Variants in CDS1 observed in about 807,000 individuals in gnomAD.
CDS1 encodes phosphatidate cytidylyltransferase 1.
CDS1 carries 41 observed loss-of-function variants against 62.1 expected under a neutral mutation model. The ratio of observed to expected loss-of-function variants is 0.66; its 90% CI spans 0.51 to 0.86. The LOEUF (loss-of-function observed/expected upper bound fraction) is 0.86. CDS1 is among the 40% of genes least tolerant of loss of function. The pLI, the probability that CDS1 is intolerant of heterozygous loss-of-function variation, is 0.00. For synonymous variants in CDS1, 185 were observed against 192.6 expected (o/e 0.96, Z 0.32); for missense variants, 470 against 550.1 (o/e 0.85, Z 1.46).
intron 5 of CDS1, among the ~76,000 whole-genome samples, chr4:84,620,847 G>A (rs1723665074): frequency 6.6e-6 from 1 of 152,104 alleles, no homozygotes; most frequent in African/African-American, 2.4e-5. Flanking sequence ...GATCACCTGA[G>A]TTTGGGAGTT....
In CDS1 at chr4:84,583,187, C is replaced by T. The variant is rs1287260221; in HGVS notation, c.-215C>T. 1.3e-5 allele frequency: 6 copies of T among 452,512 alleles called. No homozygotes were observed. The highest frequency in any genetic ancestry group is 8.3e-5 in the African/African-American group (4 of 48,150). 28.0% of individuals were successfully genotyped at this position (452,512 alleles called of 1,614,324 possible). On this transcript the variant is annotated 5_prime_UTR_variant, in exon 1 of 13. Coordinates refer to ENST00000295887, the MANE Select transcript of CDS1 (RefSeq NM_001263.4). ...CCGGGACCTCCGCCGGAGCCGCGCT[C>T]GCTGCAGGCGGCCTCGAGCGCTCTC...
intron 1 of CDS1, among the ~76,000 whole-genome samples, chr4:84,590,707 G>A (rs1722567959): frequency 6.6e-6 from 1 of 152,176 alleles, no homozygotes; most frequent in African/African-American, 2.4e-5. Flanking sequence ...CTGGGGGTGT[G>A]CCTTGGTTGG....
At position 84,650,638 on chromosome 4, in the gene CDS1, C is replaced by T. The variant is rs998693742; in HGVS notation, c.*1952C>T. 2 of 152,078 alleles carry T rather than the reference C, an allele frequency of 1.3e-5. No homozygotes were observed. The highest frequency in any genetic ancestry group is 4.8e-5 in the African/African-American group (2 of 41,418). The allele number at this position is 152,078 out of a possible 1,614,324, so 9.4% of individuals were successfully genotyped here. A position where few individuals can be genotyped will look rare whatever the true frequency, so the allele number is the denominator to read the frequency against. On this transcript the variant is annotated 3_prime_UTR_variant, in exon 13 of 13. Transcript: ENST00000295887. ...ATTGAAATCCAGAATTATAAGAAAG[C>T]ATTACTGAATATGTGTGTTATAAAA...
chr4:84,584,236 C>A (rs540031092), intron 1 of CDS1, among the ~76,000 whole-genome samples: 2 of 152,272 alleles, frequency 1.3e-5, no homozygotes, highest in South Asian at 4.1e-4. Context: ...ATATTACTAT[C>A]TGTTTAAAGC....
intron 6 of CDS1, 45 bp downstream of exon 6, chr4:84,631,922 C>A: frequency 7.0e-7 from 1 of 1,420,504 alleles, no homozygotes; most frequent in Non-Finnish European, 9.9e-7. Flanking sequence ...GTGATAAAAA[C>A]CCTTAACTTT....
Position 84,635,275 on chromosome 4 carries a change from C to T in CDS1, c.734C>T (p.Pro245Leu). The T allele has an allele frequency of 6.6e-7, 1 of 1,523,650 alleles. No individual in the cohort carries two copies. The allele number at this position is 1,523,650 out of a possible 1,614,324, so 94.4% of individuals were successfully genotyped here. A position where few individuals can be genotyped will look rare whatever the true frequency, so the allele number is the denominator to read the frequency against. Residue 245 changes from proline to leucine, a missense_variant, in exon 8 of 13, where the codon CCA (proline) becomes CTA (leucine). Physicochemically the swap from Pro to Leu is moderately conservative, Grantham distance 98. Transcript: ENST00000295887. Reference protein sequence around the residue: ...LFEGMIWFLVPISSVICNDIT... With the variant: ...LFEGMIWFLVLISSVICNDIT... ...TTTTTTAAAAACAGGTTCCTTGTTC[C>T]AATATCAAGTGTTATCTGCAATGAC...
chr4:84,611,267 CAGTG>C (rs1374229881), intron 3 of CDS1, among the ~76,000 whole-genome samples: 2 of 152,234 alleles, frequency 1.3e-5, no homozygotes, highest in African/African-American at 2.4e-5. Flanking sequence ...TGACAGCACA[CAGTG>C]AGAGCCTGCC....
chr4:84,612,983 T>A (rs2148643966), intron 3 of CDS1, among the ~76,000 whole-genome samples: 1 of 142,406 alleles, frequency 7.0e-6, no homozygotes, highest in Non-Finnish European at 1.5e-5. Context: ...AGTGAGATCC[T>A]GTCTCAAAAA....
At chr4:84,640,637 T>C (rs1389581873) in intron 9 of CDS1, among the ~76,000 whole-genome samples, 1 of 152,174 alleles carries the variant, frequency 6.6e-6, no homozygotes, top group Non-Finnish European at 1.5e-5. Flanking sequence ...ACTTTTTTTT[T>C]CTAAAGGTCT....
At chr4:84,597,149 A>G (rs1477628786) in intron 1 of CDS1, among the ~76,000 whole-genome samples, 2 of 152,188 alleles carry the variant, frequency 1.3e-5, no homozygotes, top group African/African-American at 2.4e-5. Flanking sequence ...GGATTAGTAA[A>G]GTGGTACACT....
intron 4 of CDS1, among the ~76,000 whole-genome samples, chr4:84,618,637 G>A (rs1299344551): frequency 1.3e-5 from 2 of 152,160 alleles, no homozygotes; most frequent in African/African-American, 4.8e-5. Context: ...AGACATTCCT[G>A]GCCCTTCTGA....
chr4:84,620,761 TA>T (rs1303516285), intron 5 of CDS1, among the ~76,000 whole-genome samples: 1 of 151,960 alleles, frequency 6.6e-6, no homozygotes, highest in Non-Finnish European at 1.5e-5. Flanking sequence ...ACTGGTTGAG[TA>T]AACAGTGAGA....
At chr4:84,591,285 G>A (rs1191598973) in intron 1 of CDS1, among the ~76,000 whole-genome samples, 1 of 152,096 alleles carries the variant, frequency 6.6e-6, no homozygotes, top group East Asian at 1.9e-4. Flanking sequence ...TTATATTTGG[G>A]GATGTCTTTT....
At position 84,647,965 on chromosome 4, in the gene CDS1, T is replaced by A. The variant is rs532188993; in HGVS notation, c.1257-592T>A. ...ATTTTAAAGCAGATCTGCTTTTATT[T>A]TGTTTTTTATATTGGAGTTCACCTA... is the stretch of plus-strand genomic sequence containing the variant. On this transcript the variant is annotated intron_variant, in intron 12 of 12. Transcript: ENST00000295887. Among the ~76,000 whole-genome samples the A allele has an allele frequency of 8.5e-5, 13 of 152,288 alleles. No individual in the cohort carries two copies. The East Asian group carries it at 2.5e-3, about 29-fold the overall frequency.
chr4:84,605,014 T>C lies in CDS1; in HGVS notation c.245+644T>C, dbSNP rs1187268461. ...TTGTGCAACATTTAAAAATGTGTGA[T>C]GACCACAAAATTTCAGCTAATTATA... On this transcript the variant is annotated intron_variant, in intron 2 of 12. Coordinates refer to ENST00000295887, the MANE Select transcript of CDS1 (RefSeq NM_001263.4). Among the ~76,000 whole-genome samples the C allele has an allele frequency of 3.9e-5, 6 of 152,254 alleles. No homozygotes were observed. The East Asian group carries it at 1.2e-3, about 29-fold the overall frequency.
In CDS1 at chr4:84,631,722, T is replaced by A. The variant is rs1324697568; in HGVS notation, c.581-97T>A. ...TCTGAGTAAGTAGCTAAAATATGCC[T>A]AGCTGTGATACAGCAAATTGGTTTA... On this transcript the variant is annotated intron_variant, in intron 5 of 12. Coordinates refer to ENST00000295887, the MANE Select transcript of CDS1 (RefSeq NM_001263.4). 5.5e-6 allele frequency: 5 copies of A among 902,012 alleles called. No homozygotes were observed. The East Asian group carries it at 1.2e-4, about 22-fold the overall frequency. 55.9% of individuals were successfully genotyped at this position (902,012 alleles called of 1,614,324 possible).
chr4:84,632,940 C>A (rs923511687), intron 6 of CDS1, among the ~76,000 whole-genome samples: 7 of 152,148 alleles, frequency 4.6e-5, no homozygotes, highest in African/African-American at 7.2e-5. Context: ...TCTGGGCAAC[C>A]TGGCAATACC....
intron 1 of CDS1, among the ~76,000 whole-genome samples, chr4:84,597,946 G>A (rs997917169): frequency 3.9e-5 from 6 of 151,912 alleles, no homozygotes; most frequent in Admixed American, 2.0e-4. Context: ...CTAAAACAGT[G>A]AAACCCCGTC....
At chr4:84,588,051 G>T (rs11733870) in intron 1 of CDS1, among the ~76,000 whole-genome samples, 82,447 of 152,026 alleles carry the variant, frequency 0.54, 22,859 homozygotes, top group Middle Eastern at 0.65. Flanking sequence ...CAGGCCCTCT[G>T]AACAGCCATC....
Sources: gnomAD v4.1 joint callset for allele counts (sites outside exome capture counted in the v4.1 genomes callset) on GRCh38, gnomAD v4.1.1 for gene constraint, MANE v1.5 for transcripts, NCBI Gene and HGNC (gene_info 2026-07-23, HGNC 2026-07-21) for gene names.